CARMIL1: variants seen among roughly 807,000 people sequenced by gnomAD.
The protein encoded by CARMIL1 is F-actin-uncapping protein LRRC16A.
A neutral mutation model predicts 177.1 loss-of-function variants in CARMIL1; 90 were observed. That is an observed-to-expected ratio of 0.51 (90% confidence interval 0.43 to 0.61). The LOEUF is 0.61. Among genes scored for constraint, CARMIL1 ranks in the 20% least tolerant of loss-of-function variants. The probability of loss-of-function intolerance (pLI) is 0.00; values close to 1 mark genes in which losing one functional copy is unlikely to be tolerated. For synonymous variants in CARMIL1, 577 were observed against 606.2 expected, an observed-to-expected ratio of 0.95 and a Z score of 0.71; for missense variants, 1,380 against 1,667.0, an observed-to-expected ratio of 0.83 and a Z score of 3.00.
At chr6:25,281,273 C>T (rs2690057) in intron 1 of CARMIL1, among the ~76,000 whole-genome samples, 7,718 of 151,918 alleles carry the variant, frequency 0.051, 592 homozygotes, top group African/African-American at 0.17. Context: ...TGGGAGGCTG[C>T]GACCTTTCCA....
At chr6:25,451,055 G>C (rs1452447076) in intron 8 of CARMIL1, among the ~76,000 whole-genome samples, 1 of 118,716 alleles carries the variant, frequency 8.4e-6, no homozygotes, top group Non-Finnish European at 1.6e-5. Context: ...TTGGCACTTA[G>C]GGCTGTACAT....
intron 3 of CARMIL1, among the ~76,000 whole-genome samples, chr6:25,423,659 T>G (rs1796053616): frequency 6.6e-6 from 1 of 152,074 alleles, no homozygotes; most frequent in Non-Finnish European, 1.5e-5. Context: ...AACAGGCTCC[T>G]TATCACTTTG....
intron 5 of CARMIL1, among the ~76,000 whole-genome samples, chr6:25,446,206 CTGTCCTTT>C (rs1392447127): frequency 6.6e-6 from 1 of 152,190 alleles, no homozygotes; most frequent in Non-Finnish European, 1.5e-5. Flanking sequence ...GAGAGGCAGC[CTGTCCTTT>C]GAAGCTTTGA....
At chr6:25,492,552 G>A (rs1010513559) in intron 15 of CARMIL1, among the ~76,000 whole-genome samples, 1 of 152,162 alleles carries the variant, frequency 6.6e-6, no homozygotes, top group Non-Finnish European at 1.5e-5. Flanking sequence ...AGAGACTGCA[G>A]AGGAATTATC....
At chr6:25,497,201 A>G (rs1803818540) in intron 16 of CARMIL1, among the ~76,000 whole-genome samples, 1 of 152,228 alleles carries the variant, frequency 6.6e-6, no homozygotes, top group Non-Finnish European at 1.5e-5. Flanking sequence ...TCTCAGGTTT[A>G]TGTGTGAGAG....
chr6:25,479,314 A>G (rs1246321312), intron 11 of CARMIL1: 2 of 470,966 alleles, frequency 4.2e-6, no homozygotes, highest in Non-Finnish European at 8.4e-6. Context: ...TTGTGGAGAG[A>G]TTTTTTAATA....
At chr6:25,589,783 C>T (rs182667862) in intron 31 of CARMIL1, among the ~76,000 whole-genome samples, 7 of 152,294 alleles carry the variant, frequency 4.6e-5, no homozygotes, top group East Asian at 1.9e-4. Context: ...TCACCACACC[C>T]GGCCCATTGC....
In CARMIL1 at chr6:25,577,230, C is replaced by A; in HGVS notation, c.2743-3694C>A. ...CTCCAGCCATGTGCCTGAAAGCAAG[C>A]AGAGTGTTGATGAAGAGGATACAAA... On this transcript the variant is annotated intron_variant, in intron 29 of 36. Coordinates refer to ENST00000329474, the MANE Select transcript of CARMIL1 (RefSeq NM_017640.6). This position sits in a 1 kb window ranked among gnomAD's most constrained non-coding sequence, Gnocchi z 4.5. 1.8e-6 allele frequency: 1 copy of A among 550,090 alleles called. No homozygotes were observed. Among genetic ancestry groups the A allele is most frequent in the Non-Finnish European group, 2.3e-6 (1 of 432,402 alleles). The allele number at this position is 550,090 out of a possible 1,614,324, so 34.1% of individuals were successfully genotyped here.
At chr6:25,543,685 T>G (rs115074093) in intron 26 of CARMIL1, among the ~76,000 whole-genome samples, 7,921 of 152,218 alleles carry the variant, frequency 0.052, 295 homozygotes, top group Non-Finnish European at 0.086. Context: ...ATATGAGGCC[T>G]GAGGGGTTTA....
chr6:25,435,349 C>T, intron 4 of CARMIL1, 134 bp from the exon 5 acceptor site: 1 of 1,014,704 alleles, frequency 9.9e-7, no homozygotes. Flanking sequence ...TACCCTCGAA[C>T]CTTGTTAAAG....
chr6:25,347,760 A>G (rs1387625739), intron 2 of CARMIL1, among the ~76,000 whole-genome samples: 1 of 152,260 alleles, frequency 6.6e-6, no homozygotes, highest in African/African-American at 2.4e-5. Flanking sequence ...ATACAATACT[A>G]TTAACTAAAC....
chr6:25,508,726 GTTCC>G (rs1805166419), intron 17 of CARMIL1, among the ~76,000 whole-genome samples: 1 of 152,116 alleles, frequency 6.6e-6, no homozygotes, highest in Non-Finnish European at 1.5e-5. Context: ...GACTTGCCAT[GTTCC>G]TTGGTTTATA....
At chr6:25,408,469 A>ATGG (rs1794608086) in intron 2 of CARMIL1, among the ~76,000 whole-genome samples, 3 of 112,150 alleles carry the variant, frequency 2.7e-5, no homozygotes, top group Admixed American at 1.0e-4. Flanking sequence ...GGATGCAATG[A>ATGG]TTTACACTGA....
chr6:25,596,985 T>C (rs1471995037), intron 32 of CARMIL1, among the ~76,000 whole-genome samples: 5 of 152,180 alleles, frequency 3.3e-5, no homozygotes, highest in Admixed American at 1.3e-4. Flanking sequence ...AAAATACTTA[T>C]GAGTGGGTAA....
At chr6:25,602,264 G>A (rs1815485974) in intron 33 of CARMIL1, among the ~76,000 whole-genome samples, 1 of 152,168 alleles carries the variant, frequency 6.6e-6, no homozygotes, top group African/African-American at 2.4e-5. Flanking sequence ...AAGGAGGCAT[G>A]GTGTGGCCCT....
chr6:25,518,168 G>C (rs1286409591), intron 22 of CARMIL1, among the ~76,000 whole-genome samples: 1 of 152,152 alleles, frequency 6.6e-6, no homozygotes, highest in South Asian at 2.1e-4. Flanking sequence ...TCATTATTTT[G>C]TGTTTTTCCA....
chr6:25,421,784 A>G (rs1189876665), intron 3 of CARMIL1, among the ~76,000 whole-genome samples: 5 of 147,150 alleles, frequency 3.4e-5, no homozygotes, highest in Non-Finnish European at 7.5e-5. Context: ...AAAACCAAAC[A>G]CCGCATGTTC....
intron 29 of CARMIL1, among the ~76,000 whole-genome samples, chr6:25,571,936 A>G (rs1290655224): frequency 1.3e-5 from 2 of 152,212 alleles, no homozygotes; most frequent in African/African-American, 4.8e-5. Flanking sequence ...ATTACCCTAT[A>G]TAATGAGTGC....
intron 2 of CARMIL1, among the ~76,000 whole-genome samples, chr6:25,363,394 A>T (rs16890471): frequency 0.042 from 5,008 of 118,952 alleles, 104 homozygotes; most frequent in Middle Eastern, 0.096. Context: ...TACACCACGG[A>T]AGATTTTTTT....
Sources: gnomAD v4.1 joint callset for allele counts (sites outside exome capture counted in the v4.1 genomes callset) on GRCh38, gnomAD v4.1.1 for gene constraint, Gnocchi (gnomAD v3.1) non-coding constraint, MANE v1.5 for transcripts, NCBI Gene and HGNC (gene_info 2026-07-23, HGNC 2026-07-21) for gene names.